LRP1: variants seen among roughly 807,000 people sequenced by gnomAD.
The protein encoded by LRP1 is LDL receptor related protein 1.
LRP1 carries 51 observed loss-of-function variants against 541.5 expected under a neutral mutation model. The ratio of observed to expected loss-of-function variants is 0.09; its 90% CI spans 0.08 to 0.12. The LOEUF (loss-of-function observed/expected upper bound fraction) is 0.12. Among genes scored for constraint, LRP1 ranks in the 10% least tolerant of loss-of-function variants. LRP1 has a pLI of 1.00. For synonymous variants in LRP1, 2,219 were observed against 2,470.8 expected (o/e 0.90, Z 3.02); for missense variants, 3,878 against 6,376.2 (o/e 0.61, Z 13.34).
At chr12:57,141,622 C>G in intron 3 of LRP1, 111 bp downstream of exon 3, 1 of 1,368,810 alleles carries the variant, frequency 7.3e-7, no homozygotes, top group Non-Finnish European at 1.0e-6. Flanking sequence ...GTCCTGGTCC[C>G]CTGCCTAGAT....
chr12:57,196,280 A>G lies in LRP1; in HGVS notation c.8892+3A>G. ...AGGACCTCAAGATCGGCTTCAAGGT[A>G]TGCCCAGCCCTGGGGAGGAGCTTCC... On this transcript the variant is annotated splice_donor_region_variant and intron_variant, in intron 55 of 88. Coordinates refer to ENST00000243077, the MANE Select transcript of LRP1 (RefSeq NM_002332.3). 6.3e-7 allele frequency: 1 copy of G among 1,577,424 alleles called. No individual in the cohort carries two copies. Among genetic ancestry groups the G allele is most frequent in the Non-Finnish European group, 8.6e-7 (1 of 1,157,092 alleles).
intron 8 of LRP1, chr12:57,155,183 C>G: frequency 4.1e-6 from 1 of 243,422 alleles, no homozygotes; most frequent in South Asian, 7.5e-5. Flanking sequence ...CCCTGAAAGT[C>G]TGGTAAGCCA....
chr12:57,200,409 C>A, intron 62 of LRP1, 33 bp from the exon 63 acceptor site: 1 of 1,242,194 alleles, frequency 8.1e-7, no homozygotes, highest in Non-Finnish European at 1.2e-6. Context: ...CCCAGACCCC[C>A]ACCAACCCCT....
intron 33 of LRP1, 31 bp from the exon 34 acceptor site, chr12:57,181,126 C>A: frequency 6.2e-7 from 1 of 1,605,976 alleles, no homozygotes; most frequent in Non-Finnish European, 8.5e-7. Context: ...GGCCACCTAA[C>A]CCTTTCCCTC....
rs751761993 is a variant in LRP1, at chr12:57,185,942, G to A, written c.6841+34G>A. 217 of 1,592,854 alleles carry A rather than the reference G, an allele frequency of 1.4e-4. No homozygotes were observed. Among genetic ancestry groups the A allele is most frequent in the Non-Finnish European group, 1.8e-4 (206 of 1,168,262 alleles). On this transcript the variant is annotated intron_variant, in intron 41 of 88. Coordinates refer to ENST00000243077, the MANE Select transcript of LRP1 (RefSeq NM_002332.3). The surrounding 1 kb of genome is among the most constrained non-coding windows in gnomAD (Gnocchi z 4.9). ...AGACCCTAAGTCTTCCCAGGAAGTG[G>A]GACATGGGGCGGGGAGCAGCACAGA...
In LRP1 at chr12:57,195,085, C is replaced by G. The variant is rs200835075; in HGVS notation, c.8292C>G (p.Asp2764Glu). Residue 2764 changes from aspartate to glutamate, a missense_variant, in exon 51 of 89, where the codon GAC becomes GAG. Asp to Glu is a conservative substitution (Grantham distance 45). This residue lies in a region of LRP1 where 1,100 missense variants were observed against 1,827.4 expected (regional missense o/e 0.60). Coordinates refer to ENST00000243077, the MANE Select transcript of LRP1 (RefSeq NM_002332.3). ...GCGATGACTGTGGGGATGGCTCAGA[C>G]GAGGCTGCTCACTGTGGTAAGGAAG... is the stretch of plus-strand genomic sequence containing the variant. The part of the protein sequence containing the change: ...DGSDDCGDGS[D>E]EAAHCEGKTC... 6.2e-7 allele frequency: 1 copy of G among 1,613,606 alleles called. No individual in the cohort carries two copies. Among genetic ancestry groups the G allele is most frequent in the East Asian group, 2.2e-5 (1 of 44,866 alleles).
chr12:57,158,879 C>T lies in LRP1; in HGVS notation c.1798+241C>T, dbSNP rs530679224. Among the ~76,000 whole-genome samples, 1 of 152,292 alleles carries T rather than the reference C, an allele frequency of 6.6e-6. No homozygotes were observed. The highest frequency in any genetic ancestry group is 2.1e-4 in the South Asian group (1 of 4,828). On this transcript the variant is annotated intron_variant, in intron 11 of 88. Transcript: ENST00000243077. This position sits in a 1 kb window ranked among gnomAD's most constrained non-coding sequence, Gnocchi z 5.3. The stretch of plus-strand genomic sequence containing the variant: ...GTCCTTGCCAGCCCTTGGGAAAACT[C>T]AGGGTCTGTCTGCATTGGCTTAGAG...
chr12:57,207,570 G>A (rs957198121), intron 76 of LRP1, among the ~76,000 whole-genome samples: 3 of 152,014 alleles, frequency 2.0e-5, no homozygotes, highest in African/African-American at 7.2e-5. Flanking sequence ...AGGGCAGTGC[G>A]AGGGGCAAAG....
Position 57,185,189 on chromosome 12 carries a change from C to T in LRP1, c.6447C>T (p.Asn2149=). 2 of 1,614,148 alleles carry T rather than the reference C, an allele frequency of 1.2e-6. No homozygotes were observed. The highest frequency in any genetic ancestry group is 1.7e-6 in the Non-Finnish European group (2 of 1,180,028). ...AGCTTAAAGACATCAAAGTCTTCAA[C>T]CGGGACCGGCAGAAAGGTGAGGCTG... is the stretch of plus-strand genomic sequence containing the variant. ...GVQLKDIKVF[N]RDRQKGTNVC... The change falls in exon 40 of 89, where the codon AAC becomes AAT. Residue 2149 remains asparagine, a synonymous_variant. Transcript: ENST00000243077. This position sits in a 1 kb window ranked among gnomAD's most constrained non-coding sequence, Gnocchi z 4.9.
At position 57,158,361 on chromosome 12, in the gene LRP1, ATG is replaced by A; in HGVS notation, c.1562-33_1562-32del. On this transcript the variant is annotated intron_variant, in intron 10 of 88. Coordinates refer to ENST00000243077, the MANE Select transcript of LRP1 (RefSeq NM_002332.3). The surrounding 1 kb of genome is among the most constrained non-coding windows in gnomAD (Gnocchi z 5.3). ...CAGCCCCTGGGTGGGGATGATGGTCATGTGTGTGTCTGACTGTACCCTGGCTT... is the reference window on the plus strand; with the variant it reads ...CAGCCCCTGGGTGGGGATGATGGTCATGTGTGTCTGACTGTACCCTGGCTT... 6.6e-7 allele frequency: 1 copy of A among 1,506,680 alleles called. No individual in the cohort carries two copies. Among genetic ancestry groups the A allele is most frequent in the Non-Finnish European group, 9.1e-7 (1 of 1,098,818 alleles). 93.3% of individuals were successfully genotyped at this position (1,506,680 alleles called of 1,614,324 possible).
At chr12:57,200,647 C>A in intron 63 of LRP1, 52 bp from the exon 64 acceptor site, 1 of 1,564,198 alleles carries the variant, frequency 6.4e-7, no homozygotes, top group Non-Finnish European at 8.8e-7. Flanking sequence ...TGCAAGTGGA[C>A]CTGGCCGTGT....
In LRP1 at chr12:57,199,996, A is replaced by G. The variant is rs755022036; in HGVS notation, c.9985A>G (p.Thr3329Ala). Residue 3329 changes from threonine (T) to alanine (A), a missense_variant, in exon 62 of 89, where the codon ACC becomes GCC. Thr to Ala is a moderately conservative substitution (Grantham distance 58). Around this residue, in one of 13 missense-constraint regions of LRP1, gnomAD observed 278 missense variants for 536.3 expected, o/e 0.52. Transcript: ENST00000243077. Reference protein sequence around the residue: ...TNFYLGSDGRTCVSNCTASQF... With the variant: ...TNFYLGSDGRACVSNCTASQF... ...CTTCTACCTGGGCAGCGATGGGCGC[A>G]CCTGTGTGTCCAACTGCACGGCTAG... 6.3e-7 allele frequency: 1 copy of G among 1,596,420 alleles called. No individual in the cohort carries two copies.
In LRP1 at chr12:57,154,868, GA is replaced by G; in HGVS notation, c.1227+168del. ...GTGGGCTTGAATACTGCAGAGAAAG[GA>G]CAAGATACGGGTTCCACTGTGATGG... On this transcript the variant is annotated intron_variant, in intron 8 of 88. Transcript: ENST00000243077. The surrounding 1 kb of genome is among the most constrained non-coding windows in gnomAD (Gnocchi z 4.6). 1.5e-6 allele frequency: 1 copy of G among 656,828 alleles called. No individual in the cohort carries two copies. The allele number at this position is 656,828 out of a possible 1,614,324, so 40.7% of individuals were successfully genotyped here.
chr12:57,176,175 C>T, intron 24 of LRP1, 69 bp downstream of exon 24: 3 of 1,502,886 alleles, frequency 2.0e-6, no homozygotes, highest in Non-Finnish European at 2.7e-6. Context: ...GCCACAGGTC[C>T]CATCCAAGTG....
intron 6 of LRP1, chr12:57,148,884 G>A: frequency 1.9e-6 from 1 of 538,030 alleles, no homozygotes. Context: ...GGGCCCCTAG[G>A]CTGCAGGCAG....
rs1397661396 is a variant in LRP1 at position 57,210,708 on chromosome 12, C to T, written c.12755-10C>T. ...GGCCACAGTCGCGCTCACACATCCTCTCCCACCAGGCATGCCCACGTGCCG... is the reference window on the plus strand; with the variant it reads ...GGCCACAGTCGCGCTCACACATCCTTTCCCACCAGGCATGCCCACGTGCCG... On this transcript the variant is annotated splice_polypyrimidine_tract_variant and intron_variant, in intron 82 of 88. Coordinates refer to ENST00000243077, the MANE Select transcript of LRP1 (RefSeq NM_002332.3). 6.2e-7 allele frequency: 1 copy of T among 1,603,292 alleles called. No individual in the cohort carries two copies. The highest frequency in any genetic ancestry group is 8.5e-7 in the Non-Finnish European group (1 of 1,171,800).
Position 57,179,104 on chromosome 12 carries a change from A to C in LRP1, c.4738+83A>C. The C allele has an allele frequency of 2.6e-6, 4 of 1,539,998 alleles. No individual in the cohort carries two copies. Among genetic ancestry groups the C allele is most frequent in the Non-Finnish European group, 3.5e-6 (4 of 1,143,044 alleles). On this transcript the variant is annotated intron_variant, in intron 28 of 88. Coordinates refer to ENST00000243077, the MANE Select transcript of LRP1 (RefSeq NM_002332.3). This position sits in a 1 kb window ranked among gnomAD's most constrained non-coding sequence, Gnocchi z 6.8. ...GCCCCAGGATCCCGGTTGTCAGCTA[A>C]GGCAGAGTCCCAGTCGGGAGGGTCC...
Position 57,203,539 on chromosome 12 carries a change from G to A in LRP1, c.10951+18G>A, listed in dbSNP as rs1020026823. 1.3e-6 allele frequency: 2 copies of A among 1,503,406 alleles called. No individual in the cohort carries two copies. Among genetic ancestry groups the A allele is most frequent in the Non-Finnish European group, 1.8e-6 (2 of 1,119,280 alleles). 93.1% of individuals were successfully genotyped at this position (1,503,406 alleles called of 1,614,324 possible). A position where few individuals can be genotyped will look rare whatever the true frequency, so the allele number is the denominator to read the frequency against. On this transcript the variant is annotated intron_variant, in intron 70 of 88. Coordinates refer to ENST00000243077, the MANE Select transcript of LRP1 (RefSeq NM_002332.3). ...CACTGGCGGTGCGCCCCTTGGCTTGGTCTCCCTGGGTCCTCCCTCTGCTGC... is the reference window on the plus strand; with the variant it reads ...CACTGGCGGTGCGCCCCTTGGCTTGATCTCCCTGGGTCCTCCCTCTGCTGC...
At chr12:57,161,219 A>G in intron 13 of LRP1, 104 bp downstream of exon 13, 1 of 1,073,714 alleles carries the variant, frequency 9.3e-7, no homozygotes, top group Non-Finnish European at 1.4e-6. Context: ...GTGTGTGTCC[A>G]GGCCTGTGTG....
Sources: gnomAD v4.1 joint callset for allele counts (sites outside exome capture counted in the v4.1 genomes callset) on GRCh38, gnomAD v4.1.1 for gene constraint, gnomAD v4.1.1 regional missense constraint, Gnocchi (gnomAD v3.1) non-coding constraint, MANE v1.5 for transcripts, NCBI Gene and HGNC (gene_info 2026-07-23, HGNC 2026-07-21) for gene names.